The following STON1 variants were observed in gnomAD, a reference collection of about 807,000 sequenced individuals.
STON1 encodes the protein stonin 1.
Under a neutral mutation model 60.9 loss-of-function variants are expected in STON1, and 79 were observed. The observed-to-expected ratio is 1.30, with a 90% CI of 1.08 to 1.56. The LOEUF is 1.56. STON1 is among the 40% of genes most tolerant of loss of function. STON1 has a pLI of 0.00. For synonymous variants in STON1, 363 were observed against 306.9 expected (o/e 1.18, Z -1.91); for missense variants, 1,166 against 858.9 (o/e 1.36, Z -4.47).
chr2:48,533,185 C>T (rs183074804), intron 1 of STON1, among the ~76,000 whole-genome samples: 11 of 152,192 alleles, frequency 7.2e-5, no homozygotes, highest in South Asian at 4.1e-4. Flanking sequence ...AGTTCCAGAC[C>T]AGCCTGGCCA....
At chr2:48,551,396 A>G (rs1415423666) in intron 1 of STON1, among the ~76,000 whole-genome samples, 3 of 152,162 alleles carry the variant, frequency 2.0e-5, no homozygotes, top group Admixed American at 6.5e-5. Flanking sequence ...TCCCTTCCCT[A>G]CTTTCCATGG....
rs775720053 is a variant in STON1 at position 48,591,776 on chromosome 2, C to T, written c.2054C>T (p.Thr685Ile). The change falls in exon 3 of 4, where the codon ACA becomes ATA. Residue 685 changes from threonine to isoleucine, a missense_variant. By Grantham distance (89) the Thr-to-Ile change is moderately conservative. Coordinates refer to ENST00000404752, the MANE Select transcript of STON1 (RefSeq NM_006873.4). ...GTGCCTGACACCTGTGCCTCAAGGACAGAGGTCAGGTCTCTGGGAGTGGAG... is the reference window on the plus strand; with the variant it reads ...GTGCCTGACACCTGTGCCTCAAGGATAGAGGTCAGGTCTCTGGGAGTGGAG... Reference protein sequence around the residue: ...FSVPDTCASRTEVRSLGVESD... With the variant: ...FSVPDTCASRIEVRSLGVESD... 3 of 1,614,080 alleles carry T rather than the reference C, an allele frequency of 1.9e-6. No homozygotes were observed. Among genetic ancestry groups the T allele is most frequent in the East Asian group, 2.2e-5 (1 of 44,894 alleles).
At chr2:48,530,565 C>G (rs1490946130) in intron 1 of STON1, 1 of 154,012 alleles carries the variant, frequency 6.5e-6, no homozygotes, top group Non-Finnish European at 1.4e-5. Context: ...CGCGCGCGGC[C>G]CCTCGACCTC....
At chr2:48,560,304 G>C (rs146467884) in intron 1 of STON1, among the ~76,000 whole-genome samples, 1 of 152,156 alleles carries the variant, frequency 6.6e-6, no homozygotes, top group African/African-American at 2.4e-5. Flanking sequence ...ACTTGATCTC[G>C]CATCATTTTC....
chr2:48,564,488 T>C (rs1365907197), intron 1 of STON1, among the ~76,000 whole-genome samples: 16 of 21,208 alleles, frequency 7.5e-4, no homozygotes, highest in African/African-American at 1.7e-3. Flanking sequence ...TCTTTCTTCT[T>C]CTTCTTCTTC....
chr2:48,547,095 A>G (rs150364117), intron 1 of STON1, among the ~76,000 whole-genome samples: 48 of 152,332 alleles, frequency 3.2e-4, no homozygotes, highest in African/African-American at 1.1e-3. Context: ...CCTTTTAACT[A>G]CAGAAAGAAT....
chr2:48,582,643 G>C (rs1439233421), intron 2 of STON1, 80 bp downstream of exon 2: 2 of 1,517,750 alleles, frequency 1.3e-6, no homozygotes, highest in Non-Finnish European at 1.8e-6. Context: ...TTGAAACCAG[G>C]TAGAGACAGA....
At chr2:48,591,993 A>G (rs1248714840) in intron 3 of STON1, 138 bp downstream of exon 3, 1 of 1,189,406 alleles carries the variant, frequency 8.4e-7, no homozygotes, top group African/African-American at 1.5e-5. Context: ...TCAGCTATGG[A>G]AACTTGATGG....
chr2:48,539,156 G>A (rs1033437219), intron 1 of STON1, among the ~76,000 whole-genome samples: 1 of 152,080 alleles, frequency 6.6e-6, no homozygotes, highest in African/African-American at 2.4e-5. Flanking sequence ...GTCCTCAGGT[G>A]ATCCTCTTGC....
intron 1 of STON1, among the ~76,000 whole-genome samples, chr2:48,550,730 T>C (rs1022412776): frequency 1.3e-5 from 2 of 151,718 alleles, no homozygotes; most frequent in African/African-American, 4.8e-5. Context: ...GTCTTCTGAA[T>C]TCTTTCACTG....
At chr2:48,586,831 G>C (rs1056521492) in intron 2 of STON1, among the ~76,000 whole-genome samples, 1 of 152,146 alleles carries the variant, frequency 6.6e-6, no homozygotes, top group Non-Finnish European at 1.5e-5. Flanking sequence ...AGGAGGTAAG[G>C]GTTGCTGAGC....
intron 1 of STON1, among the ~76,000 whole-genome samples, chr2:48,547,836 C>T (rs907784019): frequency 3.9e-5 from 6 of 152,206 alleles, no homozygotes; most frequent in Non-Finnish European, 7.3e-5. Context: ...CTCACTTATA[C>T]AGTAATGAGG....
chr2:48,543,498 T>C (rs938528284), intron 1 of STON1, among the ~76,000 whole-genome samples: 3 of 151,778 alleles, frequency 2.0e-5, no homozygotes, highest in African/African-American at 7.3e-5. Context: ...TTTTAGGAGA[T>C]AAAAACTCTT....
chr2:48,543,631 A>C, intron 1 of STON1, among the ~76,000 whole-genome samples: 1 of 148,894 alleles, frequency 6.7e-6, no homozygotes. Flanking sequence ...TCCTGGGTTC[A>C]AGCAATTTTC....
chr2:48,566,562 C>T (rs1338601200), intron 1 of STON1, among the ~76,000 whole-genome samples: 2 of 152,166 alleles, frequency 1.3e-5, no homozygotes, highest in African/African-American at 2.4e-5. Context: ...AGATTACAGG[C>T]GTGAGCCACC....
At chr2:48,558,277 G>A (rs923193174) in intron 1 of STON1, among the ~76,000 whole-genome samples, 1 of 152,206 alleles carries the variant, frequency 6.6e-6, no homozygotes, top group African/African-American at 2.4e-5. Context: ...TGTTCAAGTT[G>A]TTACGTATTT....
rs568829380 is a variant in STON1 at position 48,573,945 on chromosome 2, G to A, written c.-47-6642G>A. Among the ~76,000 whole-genome samples the A allele has an allele frequency of 3.3e-5, 5 of 152,324 alleles. No individual in the cohort carries two copies. The East Asian group carries it at 5.8e-4, about 18-fold the overall frequency. On this transcript the variant is annotated intron_variant, in intron 1 of 3. Coordinates refer to ENST00000404752, the MANE Select transcript of STON1 (RefSeq NM_006873.4). ...CAAAAGCCATATGTTGTATGATTCAGTTTACATAAAATGTCCTGAATAGGC... is the reference window on the plus strand; with the variant it reads ...CAAAAGCCATATGTTGTATGATTCAATTTACATAAAATGTCCTGAATAGGC...
At chr2:48,592,487 A>G (rs1209433161) in intron 3 of STON1, among the ~76,000 whole-genome samples, 2 of 151,114 alleles carry the variant, frequency 1.3e-5, no homozygotes, top group African/African-American at 4.9e-5. Context: ...GCTGGAGTGC[A>G]GTGGCATTAT....
At chr2:48,579,078 A>G (rs1342928221) in intron 1 of STON1, among the ~76,000 whole-genome samples, 1 of 149,528 alleles carries the variant, frequency 6.7e-6, no homozygotes, top group Non-Finnish European at 1.5e-5. Context: ...GTCTCTGTTC[A>G]CTGCAACCTC....
Sources: allele counts gnomAD v4.1 joint callset (sites outside exome capture counted in the v4.1 genomes callset), GRCh38; gene constraint gnomAD v4.1.1; transcripts MANE v1.5; gene names NCBI Gene and HGNC (gene_info 2026-07-23, HGNC 2026-07-21).